KDM2B: variants seen among roughly 807,000 people sequenced by gnomAD.
KDM2B encodes lysine demethylase 2B, also known as lysine-specific demethylase 2B.
A neutral mutation model predicts 150.0 loss-of-function variants in KDM2B; 26 were observed. That is an observed-to-expected ratio of 0.17 (90% CI 0.13 to 0.24). The LOEUF (loss-of-function observed/expected upper bound fraction) is 0.24. Ranked by LOEUF, KDM2B falls within the 10% of genes least tolerant of loss-of-function variation. KDM2B has a pLI of 1.00. For synonymous variants in KDM2B, 734 were observed against 729.5 expected, an observed-to-expected ratio of 1.01 and a Z score of -0.10; for missense variants, 1,265 against 1,816.9, an observed-to-expected ratio of 0.70 and a Z score of 5.52.
chr12:121,521,225 G>T lies in KDM2B; in HGVS notation c.932-125C>A. 1.5e-6 allele frequency: 1 copy of T among 649,750 alleles called. No homozygotes were observed. Among genetic ancestry groups the T allele is most frequent in the Non-Finnish European group, 2.7e-6 (1 of 364,658 alleles). The allele number at this position is 649,750 out of a possible 1,614,324, so 40.2% of individuals were successfully genotyped here. A position where few individuals can be genotyped will look rare whatever the true frequency, so the allele number is the denominator to read the frequency against. ...CAGGGAGTGGAGAAGAGCAGCCAGG[G>T]CCTGGGGCAGCGGCGCCCAGCAATG... On this transcript the variant is annotated intron_variant, in intron 8 of 22. Transcript: ENST00000377071. This position sits in a 1 kb window ranked among gnomAD's most constrained non-coding sequence, Gnocchi z 4.9.
intron 8 of KDM2B, among the ~76,000 whole-genome samples, chr12:121,526,180 C>T (rs751528499): frequency 2.0e-5 from 3 of 152,084 alleles, no homozygotes; most frequent in South Asian, 2.1e-4. Context: ...GATGAAACCC[C>T]GTCTCTACTA....
chr12:121,486,800 C>T (rs1364358165), intron 12 of KDM2B, among the ~76,000 whole-genome samples: 1 of 151,330 alleles, frequency 6.6e-6, no homozygotes, highest in Non-Finnish European at 1.5e-5. Flanking sequence ...TAATAATAAT[C>T]ATAATCATAA....
At chr12:121,416,250 C>A in the KDM2B span, 3 of 1,614,128 alleles carry the variant, frequency 1.9e-6, no homozygotes, top group Non-Finnish European at 2.5e-6. Flanking sequence ...TCAGCATTTG[C>A]AGGAGCCACC....
the KDM2B span, among the ~76,000 whole-genome samples, chr12:121,412,598 C>CG: frequency 2.6e-5 from 4 of 151,950 alleles, no homozygotes; most frequent in African/African-American, 9.7e-5. Flanking sequence ...AGTCCAGTCT[C>CG]GAACTCCTGA....
intron 2 of KDM2B, among the ~76,000 whole-genome samples, chr12:121,577,872 G>A (rs1229568912): frequency 1.3e-5 from 2 of 152,156 alleles, no homozygotes; most frequent in African/African-American, 4.8e-5. Flanking sequence ...CAGGGCTCTG[G>A]AGGCCTCAGA....
chr12:121,552,954 C>T (rs1200277430), intron 4 of KDM2B, among the ~76,000 whole-genome samples: 2 of 152,120 alleles, frequency 1.3e-5, no homozygotes, highest in Admixed American at 1.3e-4. Flanking sequence ...CAGTACCAGC[C>T]GGGCACGGTG....
chr12:121,440,133 G>A, intron 21 of KDM2B, 58 bp from the exon 22 acceptor site: 2 of 1,341,612 alleles, frequency 1.5e-6, no homozygotes, highest in Non-Finnish European at 2.1e-6. Context: ...GCCTGGTCAT[G>A]CTGACATGAC....
intron 12 of KDM2B, among the ~76,000 whole-genome samples, chr12:121,459,222 G>A (rs1314350897): frequency 6.6e-6 from 1 of 152,052 alleles, no homozygotes; most frequent in Non-Finnish European, 1.5e-5. Flanking sequence ...CAGAAATAAA[G>A]TCATATTTTG....
intron 12 of KDM2B, among the ~76,000 whole-genome samples, chr12:121,461,428 C>G (rs543066714): frequency 4.9e-4 from 75 of 151,990 alleles, no homozygotes; most frequent in African/African-American, 1.8e-3. Flanking sequence ...ATTTTTGGGG[C>G]AGTGGGCAAG....
chr12:121,483,412 C>T (rs190524292), intron 12 of KDM2B, among the ~76,000 whole-genome samples: 34 of 152,250 alleles, frequency 2.2e-4, no homozygotes, highest in African/African-American at 8.2e-4. Flanking sequence ...GTGGCTCACG[C>T]CTGTAATCCT....
At chr12:121,426,867 G>A (rs573303986), downstream of KDM2B, among the ~76,000 whole-genome samples, 39 of 151,894 alleles carry the variant, frequency 2.6e-4, no homozygotes, top group African/African-American at 9.2e-4. Context: ...CGGGTGATTC[G>A]CCCGCCTCGG....
At position 121,440,031 on chromosome 12, in the gene KDM2B, G is replaced by A. The variant is rs782789087; in HGVS notation, c.3655C>T (p.Arg1219Cys). Residue 1219 changes from arginine (R) to cysteine (C), a missense_variant, in exon 22 of 23, where the codon CGC becomes TGC. Physicochemically the swap from Arg to Cys is radical, Grantham distance 180. Coordinates refer to ENST00000377071, the MANE Select transcript of KDM2B (RefSeq NM_032590.5). ...RSKLRNIVEL[R>C]LAGLDITDAS... Reference sequence around the variant, plus strand: ...TCTGTGATGTCCAGGCCTGCCAGGCGCAGCTCCACGATGTTCCGGAGCTTG... The same window carrying A: ...TCTGTGATGTCCAGGCCTGCCAGGCACAGCTCCACGATGTTCCGGAGCTTG... 3.1e-6 allele frequency: 5 copies of A among 1,613,002 alleles called. No homozygotes were observed. The highest frequency in any genetic ancestry group is 2.2e-5 in the South Asian group (2 of 90,918).
intron 4 of KDM2B, among the ~76,000 whole-genome samples, chr12:121,566,534 A>C (rs1555314959): frequency 6.6e-6 from 1 of 152,190 alleles, no homozygotes; most frequent in Non-Finnish European, 1.5e-5. Flanking sequence ...AGGCAGGAGA[A>C]TCGCTTGAAC....
At chr12:121,420,296 G>C in the KDM2B span, 1 of 1,588,854 alleles carries the variant, frequency 6.3e-7, no homozygotes, top group East Asian at 2.3e-5. Context: ...CGACGATGAT[G>C]AGGATGATGA....
chr12:121,561,987 C>A (rs1302567543), intron 4 of KDM2B, among the ~76,000 whole-genome samples: 4 of 152,130 alleles, frequency 2.6e-5, no homozygotes, highest in Admixed American at 2.0e-4. Flanking sequence ...GCCTGGCCAA[C>A]ATGGCGAAAC....
At chr12:121,516,475 G>A (rs1198787061) in intron 9 of KDM2B, 4 of 1,348,608 alleles carry the variant, frequency 3.0e-6, no homozygotes, top group African/African-American at 2.9e-5. Flanking sequence ...TTACAAACAG[G>A]TTGTCGCCTT....
chr12:121,442,898 T>TC lies in KDM2B; in HGVS notation c.2605-63dup. 6.4e-7 allele frequency: 1 copy of TC among 1,558,622 alleles called. No individual in the cohort carries two copies. The highest frequency in any genetic ancestry group is 8.7e-7 in the Non-Finnish European group (1 of 1,154,794). On this transcript the variant is annotated intron_variant, in intron 18 of 22. Transcript: ENST00000377071. This position sits in a 1 kb window ranked among gnomAD's most constrained non-coding sequence, Gnocchi z 7.7. ...CTCAGGGCTGCGCCCGCCCAAGGCC[T>TC]CCCGCCCCCCTGCCACGGGACTGTG... is the stretch of plus-strand genomic sequence containing the variant.
At chr12:121,416,791 C>G in the KDM2B span, among the ~76,000 whole-genome samples, 1 of 152,138 alleles carries the variant, frequency 6.6e-6, no homozygotes, top group Non-Finnish European at 1.5e-5. Context: ...TTTAGAGATT[C>G]AACATCAAAT....
intron 12 of KDM2B, among the ~76,000 whole-genome samples, chr12:121,464,107 C>T (rs1555294290): frequency 6.6e-6 from 1 of 152,094 alleles, no homozygotes; most frequent in Admixed American, 6.6e-5. Context: ...GTGATGCGTG[C>T]CTGTAGTCCT....
Sources: gnomAD v4.1 joint callset for allele counts (sites outside exome capture counted in the v4.1 genomes callset) on GRCh38, gnomAD v4.1.1 for gene constraint, Gnocchi (gnomAD v3.1) non-coding constraint, MANE v1.5 for transcripts, NCBI Gene and HGNC (gene_info 2026-07-23, HGNC 2026-07-21) for gene names.